ARID1B: variants seen among roughly 807,000 people sequenced by gnomAD.
ARID1B encodes the protein AT-rich interactive domain-containing protein 1B.
A neutral mutation model predicts 212.3 loss-of-function variants in ARID1B; 30 were observed. That is an observed-to-expected ratio of 0.14 (90% CI 0.11 to 0.19). The LOEUF (loss-of-function observed/expected upper bound fraction) is 0.19. ARID1B is among the 10% of genes least tolerant of loss of function. The pLI is 1.00. For synonymous variants in ARID1B, 1,402 were observed against 1,301.7 expected (o/e 1.08, Z -1.66); for missense variants, 2,891 against 3,204.0 (o/e 0.90, Z 2.36).
chr6:157,006,516 T>C (rs1335319669), intron 4 of ARID1B, among the ~76,000 whole-genome samples: 1 of 152,234 alleles, frequency 6.6e-6, no homozygotes, highest in Non-Finnish European at 1.5e-5. Flanking sequence ...TGCATATGCC[T>C]AGGAGAACGT....
chr6:157,036,958 A>ATT, intron 4 of ARID1B: 9 of 385,928 alleles, frequency 2.3e-5, no homozygotes, highest in South Asian at 8.3e-5. Context: ...GAGGGGACTT[A>ATT]TTTTTTTTTT....
intron 4 of ARID1B, among the ~76,000 whole-genome samples, chr6:157,001,814 G>T (rs570135952): frequency 6.6e-6 from 1 of 152,314 alleles, no homozygotes; most frequent in Admixed American, 6.5e-5. Flanking sequence ...TATGGCAGGT[G>T]GCAAAGGGGA....
chr6:157,004,897 CTTTTTTTTTTT>C (rs1177807875), intron 4 of ARID1B, among the ~76,000 whole-genome samples: 3 of 54,722 alleles, frequency 5.5e-5, no homozygotes, highest in East Asian at 7.4e-4. Flanking sequence ...CTTCTTTTTT[CTTTTTTTTTTT>C]TTTTTTTTTT....
At chr6:157,053,440 A>T (rs1234105891) in intron 4 of ARID1B, among the ~76,000 whole-genome samples, 2 of 152,142 alleles carry the variant, frequency 1.3e-5, no homozygotes, top group African/African-American at 4.8e-5. Context: ...CCTTTGGGGG[A>T]TGTGCTGTCT....
intron 2 of ARID1B, among the ~76,000 whole-genome samples, chr6:156,880,749 A>AG (rs1786998011): frequency 1.1e-5 from 1 of 95,020 alleles, no homozygotes; most frequent in Non-Finnish European, 2.3e-5. Flanking sequence ...CAAAAAAAAA[A>AG]AAAAAAAAAA....
chr6:156,909,627 C>G (rs1789706165), intron 3 of ARID1B, among the ~76,000 whole-genome samples: 1 of 152,152 alleles, frequency 6.6e-6, no homozygotes, highest in African/African-American at 2.4e-5. Flanking sequence ...GACAGTTTCT[C>G]CTCCCCAAAA....
chr6:157,191,298 G>A (rs1196072153), intron 15 of ARID1B, among the ~76,000 whole-genome samples: 1 of 152,036 alleles, frequency 6.6e-6, no homozygotes, highest in African/African-American at 2.4e-5. Context: ...CGGGCCCTGA[G>A]GGAGAAGCTA....
chr6:156,915,874 T>A (rs1052786980), intron 3 of ARID1B, among the ~76,000 whole-genome samples: 1 of 150,306 alleles, frequency 6.7e-6, no homozygotes. Flanking sequence ...CCAGTCTGGG[T>A]GGACACAGCA....
chr6:156,896,576 C>CA (rs72490811), intron 2 of ARID1B, among the ~76,000 whole-genome samples: 2,520 of 45,652 alleles, frequency 0.055, 206 homozygotes, highest in African/African-American at 0.12. Flanking sequence ...AACTGCGTCT[C>CA]AAAAAAAAAA....
intron 1 of ARID1B, among the ~76,000 whole-genome samples, chr6:156,792,879 C>CT (rs1024721864): frequency 7.8e-4 from 118 of 152,016 alleles, no homozygotes; most frequent in Middle Eastern, 3.4e-3. Context: ...AGGGAATGTG[C>CT]TTAATGGATA....
intron 4 of ARID1B, among the ~76,000 whole-genome samples, chr6:157,016,773 C>A (rs1392425198): frequency 6.6e-6 from 1 of 152,166 alleles, no homozygotes; most frequent in Non-Finnish European, 1.5e-5. Context: ...TTTTACTAAT[C>A]TTTCTTAAAT....
chr6:157,010,365 C>T (rs1305953217), intron 4 of ARID1B, among the ~76,000 whole-genome samples: 1 of 145,310 alleles, frequency 6.9e-6, no homozygotes, highest in Non-Finnish European at 1.5e-5. Context: ...AGCTCTGTTG[C>T]CAGGCTGGAG....
chr6:157,174,155 C>G, intron 10 of ARID1B, 38 bp downstream of exon 10: 2 of 1,583,894 alleles, frequency 1.3e-6, no homozygotes, highest in Non-Finnish European at 1.7e-6. Context: ...TGAGGTCTGC[C>G]TAGCAAAAAG....
At chr6:157,125,326 T>C (rs1422057686) in intron 6 of ARID1B, among the ~76,000 whole-genome samples, 1 of 152,218 alleles carries the variant, frequency 6.6e-6, no homozygotes, top group African/African-American at 2.4e-5. Context: ...AAGTCGTCAA[T>C]GCTGGCTTTT....
chr6:157,149,962 T>C (rs889454616), intron 8 of ARID1B: 1 of 152,178 alleles, frequency 6.6e-6, no homozygotes, highest in African/African-American at 2.4e-5. Flanking sequence ...AAAATGAAAA[T>C]CAATCATTAT....
rs74658907 is a variant in ARID1B, at chr6:157,079,669, T to C, written c.2248-4993T>C. On this transcript the variant is annotated intron_variant, in intron 4 of 19. Transcript: ENST00000636930. ...ATAGTTTTCAGTAGAGCATTTATGG[T>C]AAATATTTAGAAATATTTGCATGTG... Among the ~76,000 whole-genome samples, 716 of 152,326 alleles carry C rather than the reference T, an allele frequency of 4.7e-3. 2 individuals are homozygous for C. The highest frequency in any genetic ancestry group is 0.017 in the African/African-American group (692 of 41,562).
chr6:156,936,225 C>T (rs990150964), intron 4 of ARID1B: 1 of 152,028 alleles, frequency 6.6e-6, no homozygotes. Flanking sequence ...GCCTGTAATC[C>T]CAGCTACTCG....
rs1780305135 is a variant in ARID1B, at chr6:156,795,522, A to C, written c.1791+16051A>C. 2.0e-5 allele frequency among the ~76,000 whole-genome samples: 3 copies of C among 152,220 alleles called. No individual in the cohort carries two copies. The South Asian group carries it at 6.2e-4, about 32-fold the overall frequency. On this transcript the variant is annotated intron_variant, in intron 1 of 19. Coordinates refer to ENST00000636930, the MANE Select transcript of ARID1B (RefSeq NM_001374828.1). Reference sequence around the variant, plus strand: ...CTAAAAATCATCAAGACGGTAATGCATAGTTAAAAGAACAGATGTAAGGCA... The same window carrying C: ...CTAAAAATCATCAAGACGGTAATGCCTAGTTAAAAGAACAGATGTAAGGCA...
intron 11 of ARID1B, among the ~76,000 whole-genome samples, chr6:157,177,344 A>G (rs928562290): frequency 3.3e-5 from 5 of 152,238 alleles, no homozygotes; most frequent in African/African-American, 1.2e-4. Context: ...ACCTAACATT[A>G]TCTCTGCTAT....
Sources: gnomAD v4.1 joint callset for allele counts (sites outside exome capture counted in the v4.1 genomes callset) on GRCh38, gnomAD v4.1.1 for gene constraint, MANE v1.5 for transcripts, NCBI Gene and HGNC (gene_info 2026-07-23, HGNC 2026-07-21) for gene names.